BCL11B: variants seen among roughly 807,000 people sequenced by gnomAD.
BCL11B encodes the protein B-cell lymphoma/leukemia 11B.
A neutral mutation model predicts 49.9 loss-of-function variants in BCL11B; 8 were observed. The observed-to-expected ratio is 0.16, with a 90% CI of 0.09 to 0.29. The LOEUF is 0.29. Among genes scored for constraint, BCL11B ranks in the 10% least tolerant of loss-of-function variants. BCL11B has a pLI of 1.00. For missense variants in BCL11B, 1,006 were observed against 1,351.0 expected (o/e 0.74, Z 4.00); for synonymous variants, 739 against 637.4 (o/e 1.16, Z -2.40).
chr14:99,196,297 G>A (rs896388176), intron 3 of BCL11B, among the ~76,000 whole-genome samples: 7 of 152,120 alleles, frequency 4.6e-5, no homozygotes, highest in East Asian at 1.9e-4. Flanking sequence ...TCCTCCACAC[G>A]AGTGAGGACA....
intron 3 of BCL11B, among the ~76,000 whole-genome samples, chr14:99,196,055 A>G (rs1488433640): frequency 6.6e-6 from 1 of 152,160 alleles, no homozygotes; most frequent in Admixed American, 6.6e-5. Context: ...TCATGCATCA[A>G]AAAAACCCCA....
chr14:99,246,114 C>A (rs1888827395), intron 2 of BCL11B, among the ~76,000 whole-genome samples: 1 of 151,996 alleles, frequency 6.6e-6, no homozygotes, highest in Non-Finnish European at 1.5e-5. Context: ...GAAACCCCTT[C>A]CCAAAGCTAG....
intron 3 of BCL11B, among the ~76,000 whole-genome samples, chr14:99,183,958 C>A (rs12590156): frequency 0.26 from 39,493 of 151,948 alleles, 5,475 homozygotes; most frequent in South Asian, 0.39. Flanking sequence ...CCAAAGCATG[C>A]CAGAATCCCA....
In BCL11B at chr14:99,176,144, T is replaced by C. The variant is rs1183650176; in HGVS notation, c.692A>G (p.Asn231Ser). 3 of 1,612,258 alleles carry C rather than the reference T, an allele frequency of 1.9e-6. No individual in the cohort carries two copies. Among genetic ancestry groups the C allele is most frequent in the South Asian group, 2.2e-5 (2 of 91,050 alleles). The change falls in exon 4 of 4, where the codon AAC becomes AGC. Residue 231 changes from asparagine (N) to serine (S), a missense_variant. Transcript: ENST00000357195. ...YICTTCKQPF[N>S]SAWFLLQHAQ... ...GTGCTGCAGCAGGAACCACGCGCTG[T>C]TGAAGGGCTGCTTGCATGTTGTGCA...
chr14:99,259,746 G>A (rs1287432281), intron 1 of BCL11B, among the ~76,000 whole-genome samples: 1 of 152,172 alleles, frequency 6.6e-6, no homozygotes, highest in Non-Finnish European at 1.5e-5. Flanking sequence ...AGAAATAGGA[G>A]TTTACTTAAA....
At position 99,175,028 on chromosome 14, in the gene BCL11B, C is replaced by A. The variant is rs1886441389; in HGVS notation, c.1808G>T (p.Gly603Val). The change falls in exon 4 of 4, where the codon GGC becomes GTC. Residue 603 changes from glycine (G) to valine (V), a missense_variant. Gly to Val is a moderately radical substitution (Grantham distance 109). This residue lies in a region of BCL11B where 443 missense variants were observed against 499.7 expected (regional missense o/e 0.89). Coordinates refer to ENST00000357195, the MANE Select transcript of BCL11B (RefSeq NM_138576.4). ...LVLGKVMENVGLGALPQYGEL... is the reference protein window; with the variant it reads ...LVLGKVMENVVLGALPQYGEL... Reference sequence around the variant, plus strand: ...GCCGTACTGCGGCAGTGCGCCTAGGCCCACGTTCTCCATGACCTTGCCCAG... The same window carrying A: ...GCCGTACTGCGGCAGTGCGCCTAGGACCACGTTCTCCATGACCTTGCCCAG... 6.3e-7 allele frequency: 1 copy of A among 1,596,012 alleles called. No individual in the cohort carries two copies. Among genetic ancestry groups the A allele is most frequent in the African/African-American group, 1.3e-5 (1 of 74,460 alleles).
Position 99,228,040 on chromosome 14 carries a change from C to G in BCL11B, c.640+3305G>C, listed in dbSNP as rs539379830. 1.3e-5 allele frequency among the ~76,000 whole-genome samples: 2 copies of G among 152,164 alleles called. No individual in the cohort carries two copies. Among genetic ancestry groups the G allele is most frequent in the East Asian group, 3.9e-4 (2 of 5,190 alleles). On this transcript the variant is annotated intron_variant, in intron 3 of 3. Coordinates refer to ENST00000357195, the MANE Select transcript of BCL11B (RefSeq NM_138576.4). This position sits in a 1 kb window ranked among gnomAD's most constrained non-coding sequence, Gnocchi z 4.8. ...ACATACCTGTGTGGTTTTCTCCCCC[C>G]GTAAAATCACATCCTTCTATAAATA...
intron 3 of BCL11B, among the ~76,000 whole-genome samples, chr14:99,206,834 C>A (rs754547627): frequency 2.6e-5 from 4 of 152,170 alleles, no homozygotes; most frequent in Non-Finnish European, 4.4e-5. Flanking sequence ...TTTCTGGCAT[C>A]CACTGGGTGT....
rs1416743134 is a variant in BCL11B at position 99,195,625 on chromosome 14, C to T, written c.641-19430G>A. Reference sequence around the variant, plus strand: ...AGCTCAGAGAGGTAAAGCAACCCACCCGAGGATACACAGCTTACATCCATC... The same window carrying T: ...AGCTCAGAGAGGTAAAGCAACCCACTCGAGGATACACAGCTTACATCCATC... On this transcript the variant is annotated intron_variant, in intron 3 of 3. Transcript: ENST00000357195. The surrounding 1 kb of genome is among the most constrained non-coding windows in gnomAD (Gnocchi z 4.7). Among the ~76,000 whole-genome samples, 1 of 152,122 alleles carries T rather than the reference C, an allele frequency of 6.6e-6. No individual in the cohort carries two copies. Among genetic ancestry groups the T allele is most frequent in the Non-Finnish European group, 1.5e-5 (1 of 68,030 alleles).
intron 3 of BCL11B, among the ~76,000 whole-genome samples, chr14:99,223,986 C>T (rs908762872): frequency 6.6e-6 from 1 of 152,234 alleles, no homozygotes; most frequent in Non-Finnish European, 1.5e-5. Flanking sequence ...TGAGAAGGCC[C>T]TCCATGGGCA....
At chr14:99,181,172 C>T (rs1566797738) in intron 3 of BCL11B, among the ~76,000 whole-genome samples, 1 of 152,166 alleles carries the variant, frequency 6.6e-6, no homozygotes, top group African/African-American at 2.4e-5. Flanking sequence ...CACTGCTGTT[C>T]GAGAAGGAGC....
rs1399188051 is a variant in BCL11B at position 99,247,850 on chromosome 14, G to A, written c.427+9621C>T. 1.3e-5 allele frequency among the ~76,000 whole-genome samples: 2 copies of A among 152,200 alleles called. No homozygotes were observed. The highest frequency in any genetic ancestry group is 2.4e-5 in the African/African-American group (1 of 41,460). On this transcript the variant is annotated intron_variant, in intron 2 of 3. Transcript: ENST00000357195. This position sits in a 1 kb window ranked among gnomAD's most constrained non-coding sequence, Gnocchi z 4.5. ...GAGGTTGTGTCCACACCCGCAACCT[G>A]AAGGCCATGGAAGCTGCCCAGGCAC...
At chr14:99,240,176 A>G (rs1033356048) in intron 2 of BCL11B, among the ~76,000 whole-genome samples, 1 of 152,228 alleles carries the variant, frequency 6.6e-6, no homozygotes, top group Non-Finnish European at 1.5e-5. Context: ...AAGGTTAAAA[A>G]GAAAGAAAAA....
At chr14:99,259,792 C>T (rs1184520685) in intron 1 of BCL11B, among the ~76,000 whole-genome samples, 2 of 152,156 alleles carry the variant, frequency 1.3e-5, no homozygotes, top group African/African-American at 4.8e-5. Context: ...AATTAATTTA[C>T]CAATTTATTT....
In BCL11B at chr14:99,193,601, GA is replaced by G. The variant is rs1223849146; in HGVS notation, c.641-17407del. ...CTCTTACCTCTTTTTTCTGGAGAAA[GA>G]AAAAAAAGTTTCCCTTCTAAAAAAA... On this transcript the variant is annotated intron_variant, in intron 3 of 3. Transcript: ENST00000357195. Among the ~76,000 whole-genome samples the G allele has an allele frequency of 3.3e-5, 5 of 151,400 alleles. No individual in the cohort carries two copies. In the South Asian group the frequency reaches 1.0e-3, roughly 31 times the overall value.
chr14:99,182,880 T>A (rs1886748272), intron 3 of BCL11B, among the ~76,000 whole-genome samples: 1 of 152,220 alleles, frequency 6.6e-6, no homozygotes, highest in Non-Finnish European at 1.5e-5. Context: ...TCAGTAGATG[T>A]AAATCCAGTA....
chr14:99,250,737 T>G (rs1432602977), intron 2 of BCL11B, among the ~76,000 whole-genome samples: 1 of 152,188 alleles, frequency 6.6e-6, no homozygotes, highest in Non-Finnish European at 1.5e-5. Context: ...GTTGGTTAAG[T>G]TCACCCCTTG....
intron 3 of BCL11B, among the ~76,000 whole-genome samples, chr14:99,230,512 G>A (rs1420912030): frequency 1.3e-5 from 2 of 152,144 alleles, no homozygotes; most frequent in African/African-American, 2.4e-5. Context: ...ATGCCGGGGG[G>A]ACAGACTTGT....
At chr14:99,235,384 C>T (rs1888465714) in intron 2 of BCL11B, among the ~76,000 whole-genome samples, 1 of 152,206 alleles carries the variant, frequency 6.6e-6, no homozygotes, top group South Asian at 2.1e-4. Context: ...GAGTGAGGGA[C>T]ACTGGCAAGG....
Sources: allele counts gnomAD v4.1 joint callset (sites outside exome capture counted in the v4.1 genomes callset), GRCh38; gene constraint gnomAD v4.1.1; regional missense constraint gnomAD v4.1.1; non-coding constraint Gnocchi (gnomAD v3.1); transcripts MANE v1.5; gene names NCBI Gene and HGNC (gene_info 2026-07-23, HGNC 2026-07-21).